Variants in DNASE1 observed in about 807,000 individuals in gnomAD.
The protein encoded by DNASE1 is deoxyribonuclease-1.
DNASE1 carries 40 observed loss-of-function variants against 33.9 expected under a neutral mutation model. That is an observed-to-expected ratio of 1.18 (90% CI 0.92 to 1.54). DNASE1 has a LOEUF of 1.54. Among genes scored for constraint, DNASE1 ranks in the 40% most tolerant of loss-of-function variants. DNASE1 has a pLI of 0.00. For synonymous variants in DNASE1, 216 were observed against 160.0 expected (o/e 1.35, Z -2.64); for missense variants, 518 against 372.6 (o/e 1.39, Z -3.21).
intron 1 of DNASE1, among the ~76,000 whole-genome samples, chr16:3,628,619 G>T (rs1209600099): frequency 2.0e-5 from 3 of 150,732 alleles, no homozygotes; most frequent in South Asian, 4.2e-4. Context: ...GTGCAGTGGC[G>T]CAATCTCGGC....
downstream of DNASE1, chr16:3,659,156 G>C (rs117512482): frequency 2.8e-4 from 90 of 315,982 alleles, no homozygotes; most frequent in Middle Eastern, 1.9e-3. Context: ...TTGGTTCCTA[G>C]ATAAATAATA....
chr16:3,621,168 C>G (rs964113298), intron 1 of DNASE1, among the ~76,000 whole-genome samples: 1 of 152,094 alleles, frequency 6.6e-6, no homozygotes, highest in East Asian at 1.9e-4. Context: ...CGAGCATAGA[C>G]TCGAACTCTT....
intron 1 of DNASE1, among the ~76,000 whole-genome samples, chr16:3,620,924 C>T (rs553189887): frequency 2.8e-4 from 42 of 152,146 alleles, no homozygotes; most frequent in African/African-American, 7.5e-4. Flanking sequence ...CCTCAGCCTC[C>T]GGAGTAGCTG....
exon 10 of DNASE1, chr16:3,663,671 G>T (rs974784626): frequency 5.0e-6 from 7 of 1,412,964 alleles, no homozygotes; most frequent in Non-Finnish European, 6.7e-6. Flanking sequence ...GCCACACTGG[G>T]GAACACCGGG....
chr16:3,655,786 T>C, intron 2 of DNASE1, 63 bp from the exon 3 acceptor site: 3 of 1,591,826 alleles, frequency 1.9e-6, no homozygotes, highest in Non-Finnish European at 1.7e-6. Context: ...GCTCCCTTTG[T>C]GGCGCTGTAG....
intron 1 of DNASE1, among the ~76,000 whole-genome samples, chr16:3,613,063 G>C (rs2040963217): frequency 6.6e-6 from 1 of 152,148 alleles, no homozygotes; most frequent in African/African-American, 2.4e-5. Context: ...AGGATTTGCA[G>C]CCATCGTCGC....
chr16:3,631,823 A>G (rs1439568057), intron 1 of DNASE1, among the ~76,000 whole-genome samples: 2 of 152,188 alleles, frequency 1.3e-5, no homozygotes, highest in African/African-American at 4.8e-5. Context: ...GTACCCGGCC[A>G]TGGATTTTAA....
At chr16:3,644,868 C>T (rs964584855) in intron 1 of DNASE1, among the ~76,000 whole-genome samples, 5 of 152,170 alleles carry the variant, frequency 3.3e-5, no homozygotes, top group Non-Finnish European at 2.9e-5. Context: ...GTGGCTCACG[C>T]CTGTAATCCC....
At chr16:3,611,953 G>C (rs1388120975) in exon 1 of DNASE1, 2 of 152,328 alleles carry the variant, frequency 1.3e-5, no homozygotes, top group African/African-American at 4.8e-5. Context: ...CGGTGTGAGG[G>C]GGACCGGGAG....
At chr16:3,621,963 G>C (rs1057247806) in intron 1 of DNASE1, among the ~76,000 whole-genome samples, 1 of 152,200 alleles carries the variant, frequency 6.6e-6, no homozygotes, top group Non-Finnish European at 1.5e-5. Context: ...GCTCATGCCT[G>C]TAATGCCAGT....
At chr16:3,635,303 A>C (rs2041835319) in intron 1 of DNASE1, among the ~76,000 whole-genome samples, 1 of 151,644 alleles carries the variant, frequency 6.6e-6, no homozygotes, top group Non-Finnish European at 1.5e-5. Context: ...ACTAAAAATA[A>C]AAAAATTAGC....
intron 1 of DNASE1, among the ~76,000 whole-genome samples, chr16:3,627,139 G>T (rs1217002684): frequency 6.6e-6 from 1 of 151,780 alleles, no homozygotes; most frequent in Non-Finnish European, 1.5e-5. Flanking sequence ...GCCAAGTGCT[G>T]AGACTACAGG....
At chr16:3,619,917 CTT>C (rs1180233396) in intron 1 of DNASE1, among the ~76,000 whole-genome samples, 24 of 136,750 alleles carry the variant, frequency 1.8e-4, no homozygotes, top group Admixed American at 2.2e-4. Context: ...TATGGCTTTT[CTT>C]TTTTTTTTTT....
chr16:3,663,229 C>T, exon 10 of DNASE1: 1 of 732,924 alleles, frequency 1.4e-6, no homozygotes, highest in Non-Finnish European at 2.2e-6. Context: ...GTGGCAGGAG[C>T]ACTGGACAGA....
At chr16:3,650,616 A>AAAAG (rs1555458080), upstream of DNASE1, 1 of 147,870 alleles carries the variant, frequency 6.8e-6, no homozygotes, top group African/African-American at 2.5e-5. Context: ...AAAAAAAAAA[A>AAAAG]AAAAGAAAAG....
At chr16:3,651,479 C>G (rs892717334), upstream of DNASE1, 3 of 152,238 alleles carry the variant, frequency 2.0e-5, no homozygotes, top group Admixed American at 2.0e-4. Flanking sequence ...CCTTCTTGGG[C>G]ATTCCCCAGG....
chr16:3,654,198 G>C, upstream of DNASE1: 1 of 396,548 alleles, frequency 2.5e-6, no homozygotes. Context: ...CTTGTGACCT[G>C]GTCACTCGGG....
intron 1 of DNASE1, among the ~76,000 whole-genome samples, chr16:3,619,487 G>A (rs558117694): frequency 2.0e-5 from 3 of 151,374 alleles, no homozygotes; most frequent in African/African-American, 7.3e-5. Context: ...TCAGCCTCCC[G>A]AGTAGCTGGG....
At chr16:3,614,537 A>C (rs1019398685) in intron 1 of DNASE1, among the ~76,000 whole-genome samples, 7 of 152,168 alleles carry the variant, frequency 4.6e-5, no homozygotes, top group Non-Finnish European at 5.9e-5. Flanking sequence ...GGATTGGATA[A>C]TTTAAATAAT....
Sources: gnomAD v4.1 joint callset for allele counts (sites outside exome capture counted in the v4.1 genomes callset) on GRCh38, gnomAD v4.1.1 for gene constraint, MANE v1.5 for transcripts, NCBI Gene and HGNC (gene_info 2026-07-23, HGNC 2026-07-21) for gene names.